The following TRIQK variants were observed in gnomAD, a reference collection of about 807,000 sequenced individuals.
The protein encoded by TRIQK is triple QxxK/R motif containing.
Under a neutral mutation model 10.8 loss-of-function variants are expected in TRIQK, and 10 were observed. The observed-to-expected ratio is 0.92, with a 90% CI of 0.57 to 1.57. The LOEUF (loss-of-function observed/expected upper bound fraction) is 1.57, where lower values mean the gene tolerates loss of function less well. TRIQK is among the 40% of genes most tolerant of loss of function. TRIQK has a pLI of 0.00. For synonymous variants in TRIQK, 33 were observed against 33.7 expected, an observed-to-expected ratio of 0.98 and a Z score of 0.07; for missense variants, 107 against 97.7, an observed-to-expected ratio of 1.09 and a Z score of -0.40.
rs560307103 is a variant in TRIQK at position 92,961,291 on chromosome 8, G to A, written c.-181+4716C>T. Among the ~76,000 whole-genome samples the A allele has an allele frequency of 8.0e-4, 122 of 152,116 alleles. 1 individual carries two copies. Among genetic ancestry groups the A allele is most frequent in the African/African-American group, 2.7e-3 (113 of 41,504 alleles). On this transcript the variant is annotated intron_variant, in intron 1 of 4. Coordinates refer to ENST00000521988, the MANE Select transcript of TRIQK (RefSeq NM_001171797.2). ...GATAAAGGGGACGGTGTTGAGGGGA[G>A]GCAGAAAATGAACTCCCTAGGAATG... is the stretch of plus-strand genomic sequence containing the variant.
At chr8:92,953,362 C>T (rs976981796) in intron 2 of TRIQK, 2 of 151,894 alleles carry the variant, frequency 1.3e-5, no homozygotes. Flanking sequence ...AAAATTCCTG[C>T]CTTCATATGC....
At chr8:92,991,500 G>A (rs1302652676) in intron 1 of TRIQK, among the ~76,000 whole-genome samples, 1 of 152,080 alleles carries the variant, frequency 6.6e-6, no homozygotes, top group Non-Finnish European at 1.5e-5. Context: ...TTAATGGAAT[G>A]TATCTCAAAA....
chr8:92,974,512 T>A (rs908397563), intron 1 of TRIQK: 6 of 152,260 alleles, frequency 3.9e-5, no homozygotes, highest in Non-Finnish European at 8.8e-5. Context: ...AAATTCATTA[T>A]TCTATAGATG....
intron 4 of TRIQK, chr8:92,887,003 A>C (rs1193502118): frequency 1.4e-5 from 3 of 220,206 alleles, no homozygotes; most frequent in Non-Finnish European, 2.7e-5. Context: ...TAATATTAAA[A>C]ATGTATCATT....
intron 4 of TRIQK, among the ~76,000 whole-genome samples, chr8:92,890,183 G>C (rs1295570738): frequency 6.6e-6 from 1 of 151,740 alleles, no homozygotes; most frequent in Non-Finnish European, 1.5e-5. Flanking sequence ...ATCAAAGTTT[G>C]ACAGGGCAAA....
intron 2 of TRIQK, among the ~76,000 whole-genome samples, chr8:92,918,205 C>T (rs1586421486): frequency 6.6e-6 from 1 of 152,016 alleles, no homozygotes; most frequent in East Asian, 1.9e-4. Flanking sequence ...ATATGTCTTC[C>T]ATATACTGAT....
chr8:92,913,927 T>C (rs776286078), intron 3 of TRIQK, among the ~76,000 whole-genome samples: 1 of 151,870 alleles, frequency 6.6e-6, no homozygotes, highest in Non-Finnish European at 1.5e-5. Context: ...ATTGAGAACA[T>C]ACGAGCACAG....
At chr8:92,971,119 T>G (rs1234220385), upstream of TRIQK, among the ~76,000 whole-genome samples, 3 of 152,152 alleles carry the variant, frequency 2.0e-5, no homozygotes, top group East Asian at 5.8e-4. Context: ...TGTGTGGTCT[T>G]ATTTCTGAGT....
At chr8:93,014,931 A>G (rs1188904678) in intron 1 of TRIQK, among the ~76,000 whole-genome samples, 4 of 152,080 alleles carry the variant, frequency 2.6e-5, no homozygotes, top group Non-Finnish European at 5.9e-5. Flanking sequence ...TAATCTGGTC[A>G]TAATGTAGCC....
Position 92,946,269 on chromosome 8 carries a change from C to T in TRIQK, c.-22+8137G>A, listed in dbSNP as rs1811527320. 2.6e-5 allele frequency among the ~76,000 whole-genome samples: 4 copies of T among 151,984 alleles called. No homozygotes were observed. In the South Asian group the frequency reaches 8.3e-4, roughly 32 times the overall value. On this transcript the variant is annotated intron_variant, in intron 2 of 4. Transcript: ENST00000521988. ...TCACTTTTTCACATTTTGAAGATCT[C>T]CCCCCCTAAATATGGAAAGAAAAAC...
At chr8:92,903,311 G>T (rs1809057235) in intron 3 of TRIQK, among the ~76,000 whole-genome samples, 1 of 151,750 alleles carries the variant, frequency 6.6e-6, no homozygotes, top group African/African-American at 2.4e-5. Context: ...ATTTGTCATT[G>T]GTTATGGAAG....
chr8:92,993,418 G>T (rs981982104), intron 1 of TRIQK, among the ~76,000 whole-genome samples: 1 of 152,110 alleles, frequency 6.6e-6, no homozygotes, highest in African/African-American at 2.4e-5. Context: ...CATCTTCACT[G>T]CTTCCTGACA....
chr8:92,988,173 G>A (rs1813057108), intron 1 of TRIQK, among the ~76,000 whole-genome samples: 1 of 151,258 alleles, frequency 6.6e-6, no homozygotes, highest in Admixed American at 6.6e-5. Context: ...ACCACGCCCG[G>A]CTAAATTTTT....
At chr8:92,931,170 T>C (rs1656853806) in intron 2 of TRIQK, among the ~76,000 whole-genome samples, 1 of 152,216 alleles carries the variant, frequency 6.6e-6, no homozygotes, top group African/African-American at 2.4e-5. Context: ...GAGTAATACA[T>C]CTGTGTTCAG....
At chr8:92,914,058 T>C (rs920984505) in intron 3 of TRIQK, among the ~76,000 whole-genome samples, 3 of 152,154 alleles carry the variant, frequency 2.0e-5, no homozygotes, top group Admixed American at 1.3e-4. Context: ...CCATGGGACA[T>C]GTATACCTAC....
chr8:92,950,499 A>G lies in TRIQK; in HGVS notation c.-22+3907T>C, dbSNP rs531518312. Among the ~76,000 whole-genome samples, 287 of 152,188 alleles carry G rather than the reference A, an allele frequency of 1.9e-3. 4 individuals are homozygous for G. Among genetic ancestry groups the G allele is most frequent in the South Asian group, 8.9e-3 (43 of 4,834 alleles). On this transcript the variant is annotated intron_variant, in intron 2 of 4. Transcript: ENST00000521988. ...AATTTCTCAGGTAAACACTTCCACA[A>G]TTCTTTATTCTGTATTCTCTTTAGG... is the stretch of plus-strand genomic sequence containing the variant.
chr8:92,935,185 T>C (rs1324173149), intron 2 of TRIQK, among the ~76,000 whole-genome samples: 1 of 151,610 alleles, frequency 6.6e-6, no homozygotes, highest in Non-Finnish European at 1.5e-5. Context: ...TTTTTAAGAG[T>C]ATTCAGTCTC....
intron 1 of TRIQK, among the ~76,000 whole-genome samples, chr8:92,962,242 G>A (rs1298186097): frequency 6.6e-6 from 1 of 152,076 alleles, no homozygotes; most frequent in Non-Finnish European, 1.5e-5. Flanking sequence ...AGTCACTCTG[G>A]ATGAATACCA....
chr8:92,914,836 A>G (rs1467777435), intron 3 of TRIQK, among the ~76,000 whole-genome samples: 2 of 152,094 alleles, frequency 1.3e-5, no homozygotes, highest in Admixed American at 6.6e-5. Context: ...CAGAAATATA[A>G]CTACTATATG....
Sources: allele counts gnomAD v4.1 joint callset (sites outside exome capture counted in the v4.1 genomes callset), GRCh38; gene constraint gnomAD v4.1.1; transcripts MANE v1.5; gene names NCBI Gene and HGNC (gene_info 2026-07-23, HGNC 2026-07-21).